PTGFR: variants seen among roughly 807,000 people sequenced by gnomAD.
PTGFR encodes prostaglandin F receptor.
PTGFR carries 15 observed loss-of-function variants against 26.2 expected under a neutral mutation model. The ratio of observed to expected loss-of-function variants is 0.57; its 90% CI spans 0.38 to 0.88. The LOEUF (loss-of-function observed/expected upper bound fraction) is 0.88. Among genes scored for constraint, PTGFR ranks in the 40% least tolerant of loss-of-function variants. The pLI is 0.00. For missense variants in PTGFR, 369 were observed against 427.2 expected (o/e 0.86, Z 1.20); for synonymous variants, 165 against 151.1 (o/e 1.09, Z -0.68).
rs533252364 is a variant in PTGFR, at chr1:78,525,850, T to C, written c.799-10556T>C. Among the ~76,000 whole-genome samples, 45 of 152,168 alleles carry C rather than the reference T, an allele frequency of 3.0e-4. No homozygotes were observed. The South Asian group carries it at 8.7e-3, about 29-fold the overall frequency. On this transcript the variant is annotated intron_variant, in intron 2 of 2. Coordinates refer to ENST00000370757, the MANE Select transcript of PTGFR (RefSeq NM_000959.4). The stretch of plus-strand genomic sequence containing the variant: ...AATTCCAAGGGCTTAGAGGCTCCCT[T>C]CCAGGAACCAGGGACAATGACCAGT...
rs1234034089 is a variant in PTGFR, at chr1:78,540,678, A to G, written c.*3991A>G. On this transcript the variant is annotated 3_prime_UTR_variant, in exon 3 of 3. Coordinates refer to ENST00000370757, the MANE Select transcript of PTGFR (RefSeq NM_000959.4). ...ATTGTCTGAAATGGTTGCTTTTCTA[A>G]TAAATGAAAATGACTAAAATGTATT... Among the ~76,000 whole-genome samples the G allele has an allele frequency of 6.6e-6, 1 of 152,172 alleles. No individual in the cohort carries two copies. Among genetic ancestry groups the G allele is most frequent in the Non-Finnish European group, 1.5e-5 (1 of 68,018 alleles).
chr1:78,505,850 A>C (rs960178261), intron 2 of PTGFR, among the ~76,000 whole-genome samples: 1 of 152,202 alleles, frequency 6.6e-6, no homozygotes, highest in African/African-American at 2.4e-5. Flanking sequence ...CTACATCTAC[A>C]CTGAGCAAGG....
At chr1:78,496,677 T>C (rs1001382323) in intron 2 of PTGFR, among the ~76,000 whole-genome samples, 1 of 152,194 alleles carries the variant, frequency 6.6e-6, no homozygotes, top group African/African-American at 2.4e-5. Context: ...TCTAAAATCA[T>C]TGAAATGTAT....
chr1:78,540,179 C>T lies in PTGFR; in HGVS notation c.*3492C>T, dbSNP rs187778784. ...TTATATGTGGCTGTTTCTCAAACTA[C>T]AGAGCATGGTGAATCACACACAGGC... On this transcript the variant is annotated 3_prime_UTR_variant, in exon 3 of 3. Coordinates refer to ENST00000370757, the MANE Select transcript of PTGFR (RefSeq NM_000959.4). Among the ~76,000 whole-genome samples the T allele has an allele frequency of 2.8e-3, 429 of 152,174 alleles. 2 individuals carry two copies. Among genetic ancestry groups the T allele is most frequent in the Admixed American group, 2.7e-3 (41 of 15,258 alleles).
At chr1:78,518,347 T>C (rs1650141049) in intron 2 of PTGFR, among the ~76,000 whole-genome samples, 1 of 152,098 alleles carries the variant, frequency 6.6e-6, no homozygotes. Flanking sequence ...TTTTCTTTTT[T>C]TGAGGTGGAG....
At position 78,494,591 on chromosome 1, in the gene PTGFR, G is replaced by T. The variant is rs186534931; in HGVS notation, c.798+1050G>T. Among the ~76,000 whole-genome samples, 1,042 of 151,972 alleles carry T rather than the reference G, an allele frequency of 6.9e-3. 17 individuals are homozygous for T. Among genetic ancestry groups the T allele is most frequent in the African/African-American group, 0.024 (984 of 41,272 alleles). On this transcript the variant is annotated intron_variant, in intron 2 of 2. Transcript: ENST00000370757. Reference sequence around the variant, plus strand: ...GCTCATTGCCCAAGAATTGTTGCTAGTGCAGGTTTTTTGTTTGTTTGTTTG... The same window carrying T: ...GCTCATTGCCCAAGAATTGTTGCTATTGCAGGTTTTTTGTTTGTTTGTTTG...
At chr1:78,498,879 G>A (rs1385308991) in intron 2 of PTGFR, among the ~76,000 whole-genome samples, 1 of 152,146 alleles carries the variant, frequency 6.6e-6, no homozygotes, top group African/African-American at 2.4e-5. Flanking sequence ...TGTTTGGAAC[G>A]TGGAAGCAGC....
rs975843052 is a variant in PTGFR, at chr1:78,492,950, G to A, written c.207G>A (p.Leu69=). Residue 69 remains leucine (L), a synonymous_variant, in exon 2 of 3, where the codon TTG becomes TTA. Coordinates refer to ENST00000370757, the MANE Select transcript of PTGFR (RefSeq NM_000959.4). ...AGTCCAAGGCATCGTTTCTGCTTTT[G>A]GCCAGTGGCCTGGTAATCACTGATT... ...RQKSKASFLL[L]ASGLVITDFF... 3.1e-6 allele frequency: 5 copies of A among 1,614,216 alleles called. No individual in the cohort carries two copies. The highest frequency in any genetic ancestry group is 1.7e-5 in the Admixed American group (1 of 60,028).
intron 2 of PTGFR, among the ~76,000 whole-genome samples, chr1:78,511,432 G>T (rs1649967863): frequency 6.6e-6 from 1 of 152,152 alleles, no homozygotes; most frequent in South Asian, 2.1e-4. Flanking sequence ...CCTCAGGAGT[G>T]GTGGCAGGAG....
At chr1:78,497,673 T>G (rs1649589340) in intron 2 of PTGFR, among the ~76,000 whole-genome samples, 1 of 152,178 alleles carries the variant, frequency 6.6e-6, no homozygotes, top group South Asian at 2.1e-4. Context: ...GACTGTAACT[T>G]AAGTAGTATG....
In PTGFR at chr1:78,537,708, G is replaced by C. The variant is rs555853249; in HGVS notation, c.*1021G>C. The C allele has an allele frequency of 6.6e-6, 1 of 152,074 alleles. No homozygotes were observed. Among genetic ancestry groups the C allele is most frequent in the African/African-American group, 2.4e-5 (1 of 41,420 alleles). The allele number at this position is 152,074 out of a possible 1,614,324, so 9.4% of individuals were successfully genotyped here. On this transcript the variant is annotated 3_prime_UTR_variant, in exon 3 of 3. Coordinates refer to ENST00000370757, the MANE Select transcript of PTGFR (RefSeq NM_000959.4). ...CATCAGAAAATTCTGTTGAGAGCAG[G>C]TTCATTAAATTTGTAAGATGGCATA... is the stretch of plus-strand genomic sequence containing the variant.
chr1:78,494,925 C>T (rs769491320), intron 2 of PTGFR, among the ~76,000 whole-genome samples: 2 of 152,292 alleles, frequency 1.3e-5, no homozygotes, highest in South Asian at 2.1e-4. Context: ...TTCTAATTAA[C>T]GATCCAGATG....
chr1:78,520,566 A>G (rs1402718916), intron 2 of PTGFR, among the ~76,000 whole-genome samples: 4 of 151,990 alleles, frequency 2.6e-5, no homozygotes, highest in Non-Finnish European at 5.9e-5. Flanking sequence ...GCAGAAGGAC[A>G]GTCTTTGGTG....
At chr1:78,532,860 C>G (rs1650556228) in intron 2 of PTGFR, among the ~76,000 whole-genome samples, 1 of 152,102 alleles carries the variant, frequency 6.6e-6, no homozygotes, top group Admixed American at 6.6e-5. Context: ...TGAAGGCTGT[C>G]TTACTCTACA....
chr1:78,500,886 A>G (rs1314836904), intron 2 of PTGFR, among the ~76,000 whole-genome samples: 2 of 152,222 alleles, frequency 1.3e-5, no homozygotes, highest in Non-Finnish European at 1.5e-5. Flanking sequence ...ATGTCAATCC[A>G]TTTTTAAAAG....
intron 2 of PTGFR, among the ~76,000 whole-genome samples, chr1:78,525,668 G>A (rs930078732): frequency 7.9e-5 from 12 of 152,034 alleles, no homozygotes; most frequent in African/African-American, 2.9e-4. Context: ...GTGGTTCAAA[G>A]CCCTGACCCT....
chr1:78,507,416 A>G (rs190745728), intron 2 of PTGFR, among the ~76,000 whole-genome samples: 66 of 152,160 alleles, frequency 4.3e-4, no homozygotes, highest in Non-Finnish European at 8.5e-4. Flanking sequence ...TTATTTGGCC[A>G]TACTGGAATG....
At position 78,510,929 on chromosome 1, in the gene PTGFR, A is replaced by G. The variant is rs150988662; in HGVS notation, c.798+17388A>G. On this transcript the variant is annotated intron_variant, in intron 2 of 2. Transcript: ENST00000370757. ...ACACAAGTCCAAAACCCAGGATGCC[A>G]GTCATTGAATTTTAAATCTTAAATA... Among the ~76,000 whole-genome samples, 1,041 of 152,346 alleles carry G rather than the reference A, an allele frequency of 6.8e-3. 17 individuals carry two copies. The highest frequency in any genetic ancestry group is 0.024 in the African/African-American group (983 of 41,586).
In PTGFR at chr1:78,493,432, T is replaced by C. The variant is rs200228266; in HGVS notation, c.689T>C (p.Val230Ala). The C allele has an allele frequency of 1.8e-4, 298 of 1,612,872 alleles. 1 individual carries two copies. Among genetic ancestry groups the C allele is most frequent in the South Asian group, 1.6e-3 (143 of 90,844 alleles). The change falls in exon 2 of 3, where the codon GTT (valine) becomes GCT (alanine). Residue 230 changes from valine (V) to alanine (A), a missense_variant. Coordinates refer to ENST00000370757, the MANE Select transcript of PTGFR (RefSeq NM_000959.4). The stretch of plus-strand genomic sequence containing the variant: ...ATCACAGGAATTACACTTTTAAGAG[T>C]TAAATTTAAAAGTCAGCAGCACAGA... ...NAITGITLLRVKFKSQQHRQG... is the reference protein window; with the variant it reads ...NAITGITLLRAKFKSQQHRQG...
Sources: allele counts gnomAD v4.1 joint callset (sites outside exome capture counted in the v4.1 genomes callset), GRCh38; gene constraint gnomAD v4.1.1; transcripts MANE v1.5; gene names NCBI Gene and HGNC (gene_info 2026-07-23, HGNC 2026-07-21).